Variants in LETM1 observed in about 807,000 individuals in gnomAD.
The protein encoded by LETM1 is leucine zipper and EF-hand containing transmembrane protein 1.
In LETM1, 50 loss-of-function variants were observed where a neutral mutation model predicts 74.5. The ratio of observed to expected loss-of-function variants is 0.67; its 90% CI spans 0.53 to 0.85. The LOEUF is 0.85. Ranked by LOEUF, LETM1 falls within the 40% of genes least tolerant of loss-of-function variation. The probability of loss-of-function intolerance (pLI) is 0.00; values close to 1 mark genes in which losing one functional copy is unlikely to be tolerated. For synonymous variants in LETM1, 446 were observed against 407.1 expected, an observed-to-expected ratio of 1.10 and a Z score of -1.15; for missense variants, 824 against 967.8, an observed-to-expected ratio of 0.85 and a Z score of 1.97.
intron 6 of LETM1, among the ~76,000 whole-genome samples, chr4:1,826,594 C>T (rs895596785): frequency 2.0e-5 from 3 of 152,238 alleles, no homozygotes; most frequent in African/African-American, 7.2e-5. Flanking sequence ...ATGCAGGAGT[C>T]ACCTCTGGGG....
chr4:1,822,898 G>T (rs1711835843), intron 9 of LETM1, 90 bp downstream of exon 9: 1 of 1,178,462 alleles, frequency 8.5e-7, no homozygotes, highest in East Asian at 3.2e-5. Flanking sequence ...GGGCAAGCAT[G>T]CGGGAGGCCA....
rs1185967755 is a variant in LETM1, at chr4:1,823,087, C to G, written c.1377G>C (p.Gln459His). The change falls in exon 9 of 14, where the codon CAG (glutamine) becomes CAC (histidine). Residue 459 changes from glutamine to histidine, a missense_variant. Gln to His is a conservative substitution (Grantham distance 24). Around this residue, in one of 4 missense-constraint regions of LETM1, gnomAD observed 172 missense variants for 170.7 expected, o/e 1.01. Coordinates refer to ENST00000302787, the MANE Select transcript of LETM1 (RefSeq NM_012318.3). ...CCTCCAGCTTGGCCTTGTTGTCCAC[C>G]TGCTCGCCCTCCACCTCGGCCACTT... ...QVKVAEVEGE[Q>H]VDNKAKLEAT... The G allele has an allele frequency of 3.1e-6, 5 of 1,609,560 alleles. No homozygotes were observed. Among genetic ancestry groups the G allele is most frequent in the Non-Finnish European group, 4.2e-6 (5 of 1,177,582 alleles).
At chr4:1,828,141 G>T (rs1712077321) in intron 6 of LETM1, among the ~76,000 whole-genome samples, 1 of 119,654 alleles carries the variant, frequency 8.4e-6, no homozygotes, top group South Asian at 2.9e-4. Flanking sequence ...TGGCCGGGCA[G>T]AGGGGCTCCT....
Position 1,841,509 on chromosome 4 carries a change from G to C in LETM1, c.432C>G (p.Pro144=), listed in dbSNP as rs773611754. 13 of 1,613,956 alleles carry C rather than the reference G, an allele frequency of 8.1e-6. No homozygotes were observed. The highest frequency in any genetic ancestry group is 8.0e-5 in the African/African-American group (6 of 74,868). ...GGGACTTCTTCACCACCACCTCTGC[G>C]GGGGGGCTGTACACCGGGCCGCCTT... ...LEEGGPVYSP[P]AEVVVKKSLG... The change falls in exon 3 of 14, where the codon CCC becomes CCG. Residue 144 remains proline (P), a synonymous_variant. Transcript: ENST00000302787.
chr4:1,849,165 C>G lies in LETM1; in HGVS notation c.127G>C (p.Gly43Arg). Residue 43 changes from glycine to arginine, a missense_variant, in exon 2 of 14, where the codon GGG becomes CGG. This residue lies in a region of LETM1 where 222 missense variants were observed against 195.6 expected (regional missense o/e 1.14). Coordinates refer to ENST00000302787, the MANE Select transcript of LETM1 (RefSeq NM_012318.3). ...TTTACTCACAGGCAGTTCCTCAACC[C>G]CAGGGTGCTGGCACAGCTGAGATGA... Reference protein sequence around the residue: ...PAHLSCASTLGLRNCLNVPFG... With the variant: ...PAHLSCASTLRLRNCLNVPFG... The G allele has an allele frequency of 6.2e-7, 1 of 1,613,384 alleles. No individual in the cohort carries two copies. Among genetic ancestry groups the G allele is most frequent in the South Asian group, 1.1e-5 (1 of 91,068 alleles).
intron 6 of LETM1, among the ~76,000 whole-genome samples, chr4:1,831,399 C>G (rs893471860): frequency 2.0e-5 from 3 of 152,228 alleles, no homozygotes; most frequent in South Asian, 2.1e-4. Context: ...GTGTCTCCCC[C>G]AGTAGGAGGG....
At position 1,836,600 on chromosome 4, in the gene LETM1, G is replaced by A; in HGVS notation, c.595-28C>T. On this transcript the variant is annotated intron_variant, in intron 3 of 13. Transcript: ENST00000302787. The surrounding 1 kb of genome is among the most constrained non-coding windows in gnomAD (Gnocchi z 5.8). ...GGAAGGGGCGGAATCCATCAGAGGG[G>A]AGCAGAGCACATGTGGGAACAAGGG... The A allele has an allele frequency of 6.2e-7, 1 of 1,612,526 alleles. No individual in the cohort carries two copies.
At chr4:1,838,068 A>T (rs1346726950) in intron 3 of LETM1, among the ~76,000 whole-genome samples, 1 of 152,086 alleles carries the variant, frequency 6.6e-6, no homozygotes, top group African/African-American at 2.4e-5. Context: ...AACCTTTTAG[A>T]GCACATTTCA....
At chr4:1,824,060 C>T (rs1035195214) in intron 7 of LETM1, among the ~76,000 whole-genome samples, 6 of 152,186 alleles carry the variant, frequency 3.9e-5, no homozygotes, top group Admixed American at 2.6e-4. Context: ...CGGTGGCTCA[C>T]GCCTGTAATC....
intron 6 of LETM1, among the ~76,000 whole-genome samples, chr4:1,828,449 G>A (rs868290619): frequency 7.1e-3 from 789 of 111,438 alleles, no homozygotes; most frequent in Middle Eastern, 0.013. Flanking sequence ...CAGTAGGGGC[G>A]GCCGGGCAGA....
chr4:1,855,833 G>A (rs1251011141), intron 1 of LETM1, 36 bp downstream of exon 1: 4 of 1,180,336 alleles, frequency 3.4e-6, no homozygotes, highest in Non-Finnish European at 3.2e-6. Context: ...CCCACCAGCC[G>A]GGAGCCGGCC....
chr4:1,822,147 T>G, intron 10 of LETM1, 34 bp downstream of exon 10: 2 of 1,369,424 alleles, frequency 1.5e-6, no homozygotes, highest in Non-Finnish European at 1.9e-6. Context: ...CATGCCCTCC[T>G]CAGCCTCCAG....
chr4:1,825,849 G>A (rs974383788), intron 6 of LETM1, among the ~76,000 whole-genome samples, 166 bp from the exon 7 acceptor site: 11 of 152,094 alleles, frequency 7.2e-5, no homozygotes, highest in African/African-American at 9.7e-5. Flanking sequence ...AGCCTGTGAC[G>A]GAGGGTCAGG....
At chr4:1,819,905 A>T (rs1711714857) in intron 10 of LETM1, among the ~76,000 whole-genome samples, 1 of 151,742 alleles carries the variant, frequency 6.6e-6, no homozygotes. Context: ...TCTCTCACTC[A>T]CTTATTTTGA....
At position 1,822,239 on chromosome 4, in the gene LETM1, T is replaced by G; in HGVS notation, c.1550A>C (p.Asp517Ala). ...CAAGGTCTCTGACTGCAGGACTGTG[T>G]CAGGCATTTCTGGCTGTGGCTCGGT... ...PGTEPQPEMPDTVLQSETLKD... is the reference protein window; with the variant it reads ...PGTEPQPEMPATVLQSETLKD... Residue 517 changes from aspartate (D) to alanine (A), a missense_variant, in exon 10 of 14, where the codon GAC (aspartate) becomes GCC (alanine). Physicochemically the swap from Asp to Ala is moderately radical, Grantham distance 126 (BLOSUM62 -2). Transcript: ENST00000302787. The G allele has an allele frequency of 6.5e-7, 1 of 1,547,832 alleles. No homozygotes were observed. The highest frequency in any genetic ancestry group is 8.8e-7 in the Non-Finnish European group (1 of 1,140,064).
At position 1,841,761 on chromosome 4, in the gene LETM1, A is replaced by C; in HGVS notation, c.180T>G (p.Pro60=). 2 of 1,613,914 alleles carry C rather than the reference A, an allele frequency of 1.2e-6. No individual in the cohort carries two copies. Among genetic ancestry groups the C allele is most frequent in the Non-Finnish European group, 1.7e-6 (2 of 1,180,002 alleles). ...GATCGCCTCTGGAGGATGTGTACAC[A>C]GGGTGGATGGGAGTGCAGCAGCCAA... ...VPFGCCTPIH[P]VYTSSRGDHL... Residue 60 remains proline (P), a synonymous_variant, in exon 3 of 14, where the codon CCT becomes CCG. Transcript: ENST00000302787.
intron 3 of LETM1, among the ~76,000 whole-genome samples, chr4:1,837,441 C>T (rs1401860170): frequency 6.6e-6 from 1 of 152,150 alleles, no homozygotes; most frequent in African/African-American, 2.4e-5. Context: ...GTTTTTTTAT[C>T]GCACTGGACC....
At chr4:1,839,391 C>G (rs963153953) in intron 3 of LETM1, 6 of 152,392 alleles carry the variant, frequency 3.9e-5, no homozygotes, top group African/African-American at 1.4e-4. Context: ...TGTGCAGATG[C>G]AGACCCCTCC....
At chr4:1,849,104 C>A in intron 2 of LETM1, 45 bp downstream of exon 2, 1 of 1,391,966 alleles carries the variant, frequency 7.2e-7, no homozygotes, top group Non-Finnish European at 1.0e-6. Flanking sequence ...ATTTTCAAAC[C>A]CTGTTTTCAA....
Sources: allele counts gnomAD v4.1 joint callset (sites outside exome capture counted in the v4.1 genomes callset), GRCh38; gene constraint gnomAD v4.1.1; regional missense constraint gnomAD v4.1.1; non-coding constraint Gnocchi (gnomAD v3.1); transcripts MANE v1.5; gene names NCBI Gene and HGNC (gene_info 2026-07-23, HGNC 2026-07-21).